The following ATP8A1 variants were observed in gnomAD, a reference collection of about 807,000 sequenced individuals.
ATP8A1 encodes the protein phospholipid-transporting ATPase IA.
In ATP8A1, 90 loss-of-function variants were observed where a neutral mutation model predicts 177.7. The observed-to-expected ratio is 0.51, with a 90% CI of 0.43 to 0.60. ATP8A1 has a LOEUF of 0.60. Ranked by LOEUF, ATP8A1 falls within the 20% of genes least tolerant of loss-of-function variation. The probability of loss-of-function intolerance (pLI) is 0.00; values close to 1 mark genes in which losing one functional copy is unlikely to be tolerated. For synonymous variants in ATP8A1, 493 were observed against 485.9 expected (o/e 1.01, Z -0.19); for missense variants, 1,072 against 1,392.8 (o/e 0.77, Z 3.67).
rs577145585 is a variant in ATP8A1 at position 42,641,573 on chromosome 4, G to A, written c.50-14464C>T. On this transcript the variant is annotated intron_variant, in intron 1 of 36. Transcript: ENST00000381668. ...ATACAGTGCAGGGCGCAAGTTTTCCGCATTTTGTACATGGAAAAGAGTATT... is the reference window on the plus strand; with the variant it reads ...ATACAGTGCAGGGCGCAAGTTTTCCACATTTTGTACATGGAAAAGAGTATT... 3.9e-5 allele frequency among the ~76,000 whole-genome samples: 6 copies of A among 151,916 alleles called. No homozygotes were observed. The South Asian group carries it at 8.3e-4, about 21-fold the overall frequency.
chr4:42,480,407 A>C (rs1296347306), intron 25 of ATP8A1, among the ~76,000 whole-genome samples: 1 of 152,190 alleles, frequency 6.6e-6, no homozygotes, highest in Non-Finnish European at 1.5e-5. Context: ...ACATTTATTC[A>C]TATTTTCTTG....
chr4:42,637,197 T>C (rs1444790470), intron 1 of ATP8A1: 2 of 518,972 alleles, frequency 3.9e-6, no homozygotes, highest in African/African-American at 1.9e-5. Flanking sequence ...GGAACCACAG[T>C]GCAATTTTCC....
chr4:42,559,374 G>A (rs926097058), intron 15 of ATP8A1, among the ~76,000 whole-genome samples: 10 of 152,170 alleles, frequency 6.6e-5, no homozygotes, highest in African/African-American at 2.4e-4. Flanking sequence ...CAATTCACAA[G>A]GAAGGAAATA....
Sources: allele counts gnomAD v4.1 joint callset (sites outside exome capture counted in the v4.1 genomes callset), GRCh38; gene constraint gnomAD v4.1.1; transcripts MANE v1.5; gene names NCBI Gene and HGNC (gene_info 2026-07-23, HGNC 2026-07-21).